NRG3: variants seen among roughly 807,000 people sequenced by gnomAD.
NRG3 encodes the protein pro-neuregulin-3, membrane-bound isoform.
A neutral mutation model predicts 66.9 loss-of-function variants in NRG3; 31 were observed. That is an observed-to-expected ratio of 0.46 (90% CI 0.35 to 0.63). The LOEUF (loss-of-function observed/expected upper bound fraction) is 0.63, where lower values mean the gene tolerates loss of function less well. Ranked by LOEUF, NRG3 falls within the 20% of genes least tolerant of loss-of-function variation. The pLI is 0.00. For missense variants in NRG3, 910 were observed against 878.9 expected, an observed-to-expected ratio of 1.04 and a Z score of -0.45; for synonymous variants, 393 against 359.4, an observed-to-expected ratio of 1.09 and a Z score of -1.06.
chr10:82,721,417 C>T (rs1335645651), intron 2 of NRG3, among the ~76,000 whole-genome samples: 1 of 151,398 alleles, frequency 6.6e-6, no homozygotes, highest in Non-Finnish European at 1.5e-5. Flanking sequence ...GGATTACAGG[C>T]GTGAGCCACC....
At chr10:82,099,431 T>C (rs893442009) in intron 1 of NRG3, among the ~76,000 whole-genome samples, 13 of 152,188 alleles carry the variant, frequency 8.5e-5, no homozygotes, top group African/African-American at 3.1e-4. Flanking sequence ...CTTTTTCCAA[T>C]TCCACATTGT....
intron 1 of NRG3, among the ~76,000 whole-genome samples, chr10:82,247,582 G>C (rs1474842796): frequency 6.6e-6 from 1 of 152,090 alleles, no homozygotes; most frequent in Non-Finnish European, 1.5e-5. Context: ...GGTCCAAGTT[G>C]CTTCATGATC....
chr10:82,111,772 A>T (rs1286302492), intron 1 of NRG3, among the ~76,000 whole-genome samples: 2 of 152,318 alleles, frequency 1.3e-5, no homozygotes, highest in African/African-American at 2.4e-5. Context: ...CCAGCCCAGT[A>T]GGCCTATCAA....
chr10:82,896,010 T>C (rs961150938), intron 4 of NRG3, among the ~76,000 whole-genome samples: 3 of 152,210 alleles, frequency 2.0e-5, no homozygotes, highest in Non-Finnish European at 4.4e-5. Context: ...GCCTCTGTGG[T>C]CTATGAGTAT....
chr10:82,280,698 A>T (rs976493069), intron 1 of NRG3, among the ~76,000 whole-genome samples: 2 of 152,142 alleles, frequency 1.3e-5, no homozygotes, highest in Non-Finnish European at 2.9e-5. Flanking sequence ...ACACAAAATA[A>T]CGTAACTTCT....
chr10:82,956,450 G>C (rs1850060622), intron 5 of NRG3, among the ~76,000 whole-genome samples: 1 of 151,910 alleles, frequency 6.6e-6, no homozygotes, highest in Non-Finnish European at 1.5e-5. Flanking sequence ...ATGGTAGATA[G>C]GCAGAGGCAG....
intron 4 of NRG3, among the ~76,000 whole-genome samples, chr10:82,927,851 A>G (rs192628481): frequency 9.2e-5 from 14 of 152,174 alleles, no homozygotes; most frequent in East Asian, 7.7e-4. Flanking sequence ...TCCTTTGGCT[A>G]TATACCCAGT....
At chr10:81,996,130 A>G (rs894056161) in intron 1 of NRG3, among the ~76,000 whole-genome samples, 4 of 152,208 alleles carry the variant, frequency 2.6e-5, no homozygotes, top group Admixed American at 1.3e-4. Context: ...AAAATATCAC[A>G]TAGTGTGTTA....
chr10:82,329,252 A>G (rs1298302928), intron 1 of NRG3, among the ~76,000 whole-genome samples: 1 of 152,294 alleles, frequency 6.6e-6, no homozygotes, highest in East Asian at 1.9e-4. Context: ...TTTCTATACA[A>G]GAAGAGTTTC....
chr10:82,337,988 G>A (rs150645779), intron 1 of NRG3, among the ~76,000 whole-genome samples: 15 of 152,224 alleles, frequency 9.9e-5, no homozygotes, highest in Admixed American at 3.9e-4. Context: ...AATAAGATCC[G>A]CACGCCTTCC....
chr10:82,764,139 A>G (rs564439094), intron 3 of NRG3, among the ~76,000 whole-genome samples: 3 of 151,602 alleles, frequency 2.0e-5, no homozygotes, highest in Admixed American at 6.6e-5. Flanking sequence ...GGTTCAAGAG[A>G]TTTTTCTGCT....
At chr10:82,751,627 A>G (rs368598778) in intron 3 of NRG3, among the ~76,000 whole-genome samples, 36 of 152,154 alleles carry the variant, frequency 2.4e-4, no homozygotes, top group African/African-American at 8.7e-4. Flanking sequence ...ACATGCACAA[A>G]AGTTCTGTCA....
At chr10:82,683,065 T>G (rs2054233790) in intron 2 of NRG3, among the ~76,000 whole-genome samples, 1 of 148,886 alleles carries the variant, frequency 6.7e-6, no homozygotes, top group African/African-American at 2.5e-5. Flanking sequence ...TTCACGCCAT[T>G]CTCCTGCCTT....
intron 3 of NRG3, among the ~76,000 whole-genome samples, chr10:82,822,905 G>C (rs1157699513): frequency 6.6e-6 from 1 of 152,100 alleles, no homozygotes; most frequent in African/African-American, 2.4e-5. Flanking sequence ...GGTTGAATAA[G>C]CCATTTAATC....
intron 1 of NRG3, among the ~76,000 whole-genome samples, chr10:82,326,525 CAT>C: frequency 6.6e-6 from 1 of 152,190 alleles, no homozygotes; most frequent in Non-Finnish European, 1.5e-5. Flanking sequence ...TCTACTTCTA[CAT>C]ATGTTATATG....
At chr10:82,623,704 A>AT (rs2049202965) in intron 2 of NRG3, among the ~76,000 whole-genome samples, 2 of 152,184 alleles carry the variant, frequency 1.3e-5, no homozygotes, top group Non-Finnish European at 2.9e-5. Flanking sequence ...TCCTTCCAAA[A>AT]TAAGGAGTGG....
At chr10:82,166,756 T>C (rs1316546310) in intron 1 of NRG3, 3 of 672,798 alleles carry the variant, frequency 4.5e-6, no homozygotes, top group Non-Finnish European at 8.2e-6. Flanking sequence ...ATTATTTTCC[T>C]TCTGCCTGGA....
At chr10:82,740,831 A>AG (rs1299582486) in intron 3 of NRG3, among the ~76,000 whole-genome samples, 8 of 27,456 alleles carry the variant, frequency 2.9e-4, no homozygotes, top group East Asian at 2.3e-3. Context: ...CTCAAAAAAA[A>AG]AAAAAAAAAA....
At chr10:82,005,583 C>T (rs1449527904) in intron 1 of NRG3, among the ~76,000 whole-genome samples, 1 of 152,112 alleles carries the variant, frequency 6.6e-6, no homozygotes, top group Non-Finnish European at 1.5e-5. Context: ...TGTTGGTTTC[C>T]TGATACAAAC....
Sources: allele counts gnomAD v4.1 joint callset (sites outside exome capture counted in the v4.1 genomes callset), GRCh38; gene constraint gnomAD v4.1.1; transcripts MANE v1.5; gene names NCBI Gene and HGNC (gene_info 2026-07-23, HGNC 2026-07-21).